Variants in ERBB4 observed in about 807,000 individuals in gnomAD.
ERBB4 encodes the protein erb-b2 receptor tyrosine kinase 4.
ERBB4 carries 42 observed loss-of-function variants against 158.0 expected under a neutral mutation model. That is an observed-to-expected ratio of 0.27 (90% CI 0.21 to 0.34). The LOEUF is 0.34. ERBB4 is among the 10% of genes least tolerant of loss of function. The pLI, the probability that ERBB4 is intolerant of heterozygous loss-of-function variation, is 1.00. For synonymous variants in ERBB4, 583 were observed against 558.7 expected, an observed-to-expected ratio of 1.04 and a Z score of -0.61; for missense variants, 1,333 against 1,624.1, an observed-to-expected ratio of 0.82 and a Z score of 3.08.
chr2:211,988,531 T>C (rs1237691803), intron 2 of ERBB4, among the ~76,000 whole-genome samples: 2 of 152,254 alleles, frequency 1.3e-5, no homozygotes, highest in South Asian at 4.1e-4. Context: ...TATTAGAGGC[T>C]AGATATGCTT....
At chr2:212,331,201 C>G (rs1208978350) in intron 1 of ERBB4, among the ~76,000 whole-genome samples, 2 of 150,248 alleles carry the variant, frequency 1.3e-5, no homozygotes, top group African/African-American at 4.9e-5. Context: ...TGCCGCATCT[C>G]TTGAACCAAA....
intron 1 of ERBB4, among the ~76,000 whole-genome samples, chr2:212,458,134 C>A (rs1415423478): frequency 6.6e-6 from 1 of 152,014 alleles, no homozygotes; most frequent in East Asian, 1.9e-4. Flanking sequence ...GTGTCATATA[C>A]TTTGCCATTT....
rs2075105169 is a variant in ERBB4, at chr2:211,750,640, A to C, written c.621T>G (p.Thr207=). The C allele has an allele frequency of 6.2e-7, 1 of 1,613,630 alleles. No individual in the cohort carries two copies. ...GTGCTCTCACTGATGAACACTTACA[A>C]GTCTGGCAATGATTTTCTGTGGGTC... ...CWGPTENHCQ[T]LTRTVCAEQC... Residue 207 remains threonine, a splice_region_variant and synonymous_variant, in exon 5 of 28, where the codon ACT becomes ACG. Transcript: ENST00000342788.
chr2:212,184,353 C>A (rs1339102730), intron 1 of ERBB4, among the ~76,000 whole-genome samples: 1 of 152,080 alleles, frequency 6.6e-6, no homozygotes, highest in Non-Finnish European at 1.5e-5. Flanking sequence ...CCCTTCTCAC[C>A]TTGACTCCAA....
intron 1 of ERBB4, among the ~76,000 whole-genome samples, chr2:212,441,028 T>C (rs1353336014): frequency 2.0e-5 from 3 of 152,200 alleles, no homozygotes; most frequent in Non-Finnish European, 4.4e-5. Context: ...CATGCTATCA[T>C]GTGAGTGGCT....
chr2:211,643,692 T>C (rs1046470871), intron 16 of ERBB4, among the ~76,000 whole-genome samples: 2 of 152,070 alleles, frequency 1.3e-5, no homozygotes, highest in Non-Finnish European at 2.9e-5. Flanking sequence ...ATCATCCTAC[T>C]CTTCTGGTCA....
intron 3 of ERBB4, among the ~76,000 whole-genome samples, chr2:211,914,266 T>C (rs994500508): frequency 8.5e-5 from 12 of 141,026 alleles, no homozygotes; most frequent in Non-Finnish European, 1.7e-4. Flanking sequence ...TTTTTTTTTT[T>C]TCAAACAAAC....
chr2:212,500,028 T>G (rs1475398460), intron 1 of ERBB4, among the ~76,000 whole-genome samples: 2 of 152,192 alleles, frequency 1.3e-5, no homozygotes, highest in East Asian at 3.9e-4. Flanking sequence ...GAACACTGAT[T>G]GCTAACATAT....
At chr2:212,442,834 G>A (rs1411601673) in intron 1 of ERBB4, among the ~76,000 whole-genome samples, 3 of 152,142 alleles carry the variant, frequency 2.0e-5, no homozygotes, top group Admixed American at 6.5e-5. Context: ...TCACATCCCT[G>A]GAAGGACTGC....
intron 3 of ERBB4, among the ~76,000 whole-genome samples, chr2:211,880,499 A>G (rs2078632363): frequency 6.6e-6 from 1 of 152,208 alleles, no homozygotes; most frequent in Non-Finnish European, 1.5e-5. Flanking sequence ...GACTATACAT[A>G]AGGGGTCTTC....
chr2:211,594,575 T>C (rs900542056), intron 19 of ERBB4, among the ~76,000 whole-genome samples: 5 of 152,214 alleles, frequency 3.3e-5, no homozygotes, highest in Admixed American at 1.3e-4. Flanking sequence ...TTTTTTCTCA[T>C]AATACTGATA....
chr2:211,471,515 TTG>T (rs1321266983), intron 20 of ERBB4, among the ~76,000 whole-genome samples: 1 of 152,076 alleles, frequency 6.6e-6, no homozygotes, highest in African/African-American at 2.4e-5. Context: ...AAAAAAAAAC[TTG>T]TGAGTGACCT....
chr2:212,307,987 C>T (rs1428208744), intron 1 of ERBB4, among the ~76,000 whole-genome samples: 10 of 150,476 alleles, frequency 6.6e-5, no homozygotes, highest in African/African-American at 2.4e-5. Flanking sequence ...CAAGAGACAA[C>T]GTTATCTGAA....
Position 211,879,896 on chromosome 2 carries a change from A to G in ERBB4, c.421+67534T>C, listed in dbSNP as rs181736259. ...ATATATTCTAGGAAGAGAACAAAAC[A>G]TGCACTGTTTTGGGTAAGAGAATGA... On this transcript the variant is annotated intron_variant, in intron 3 of 27. Coordinates refer to ENST00000342788, the MANE Select transcript of ERBB4 (RefSeq NM_005235.3). Among the ~76,000 whole-genome samples the G allele has an allele frequency of 3.8e-3, 576 of 151,874 alleles. 5 individuals carry two copies. Among genetic ancestry groups the G allele is most frequent in the Non-Finnish European group, 3.8e-3 (258 of 67,880 alleles).
chr2:211,749,836 C>G (rs1029561580), intron 5 of ERBB4, among the ~76,000 whole-genome samples: 5 of 152,048 alleles, frequency 3.3e-5, no homozygotes, highest in Non-Finnish European at 7.4e-5. Context: ...TATATTTCAA[C>G]TTGTCACTAT....
chr2:211,797,795 A>G (rs1038614145), intron 3 of ERBB4, among the ~76,000 whole-genome samples: 5 of 152,026 alleles, frequency 3.3e-5, no homozygotes, highest in African/African-American at 1.2e-4. Context: ...AGATTATTTT[A>G]AAAGCCACAA....
rs1200296273 is a variant in ERBB4, at chr2:211,424,208, C to T, written c.2813G>A (p.Arg938His). The change falls in exon 23 of 28, where the codon CGT becomes CAT. Residue 938 changes from arginine to histidine, a missense_variant. Arg to His is a conservative substitution (Grantham distance 29). Around this residue, in one of 5 missense-constraint regions of ERBB4, gnomAD observed 314 missense variants for 437.6 expected, o/e 0.72. Coordinates refer to ENST00000342788, the MANE Select transcript of ERBB4 (RefSeq NM_005235.3). ...AGTGCAGATGGGAGGCTGAGGCAAACGTTCTCCTTTCTCTAATAAATCAGG... is the reference window on the plus strand; with the variant it reads ...AGTGCAGATGGGAGGCTGAGGCAAATGTTCTCCTTTCTCTAATAAATCAGG... Reference protein sequence around the residue: ...EIPDLLEKGERLPQPPICTID... With the variant: ...EIPDLLEKGEHLPQPPICTID... The T allele has an allele frequency of 1.2e-6, 2 of 1,613,218 alleles. No individual in the cohort carries two copies. The highest frequency in any genetic ancestry group is 1.7e-5 in the Admixed American group (1 of 59,880).
chr2:211,775,436 C>A (rs73985863), intron 4 of ERBB4, among the ~76,000 whole-genome samples: 3,603 of 152,246 alleles, frequency 0.024, 159 homozygotes, highest in African/African-American at 0.083. Context: ...GTAAAAATTT[C>A]TATTGCCTAC....
intron 1 of ERBB4, among the ~76,000 whole-genome samples, chr2:212,132,506 C>A (rs557321290): frequency 6.6e-5 from 10 of 152,088 alleles, no homozygotes; most frequent in African/African-American, 2.4e-4. Flanking sequence ...AGTGCAGGCA[C>A]GGATAGAATA....
Sources: allele counts gnomAD v4.1 joint callset (sites outside exome capture counted in the v4.1 genomes callset), GRCh38; gene constraint gnomAD v4.1.1; regional missense constraint gnomAD v4.1.1; transcripts MANE v1.5; gene names NCBI Gene and HGNC (gene_info 2026-07-23, HGNC 2026-07-21).